Variants in PDE2A observed in about 807,000 individuals in gnomAD.
PDE2A encodes the protein phosphodiesterase 2A.
A neutral mutation model predicts 133.6 loss-of-function variants in PDE2A; 53 were observed. The observed-to-expected ratio is 0.40, with a 90% CI of 0.32 to 0.50. The LOEUF (loss-of-function observed/expected upper bound fraction) is 0.50, where lower values mean the gene tolerates loss of function less well. PDE2A is among the 20% of genes least tolerant of loss of function. PDE2A has a pLI of 0.73. For synonymous variants in PDE2A, 491 were observed against 490.2 expected (o/e 1.00, Z -0.02); for missense variants, 796 against 1,232.4 (o/e 0.65, Z 5.30).
chr11:72,634,215 G>A (rs1513779), intron 2 of PDE2A, among the ~76,000 whole-genome samples: 252 of 152,296 alleles, frequency 1.7e-3, no homozygotes, highest in African/African-American at 5.8e-3. Flanking sequence ...GCCCGGGGAG[G>A]CACACTTCTG....
chr11:72,661,422 G>T (rs428355), intron 1 of PDE2A, among the ~76,000 whole-genome samples: 120,044 of 151,938 alleles, frequency 0.79, 48,032 homozygotes, highest in Middle Eastern at 0.89. Context: ...TTTTGGGGGG[G>T]TTTTTTGGCC....
chr11:72,592,305 G>T (rs1020709919), intron 6 of PDE2A, among the ~76,000 whole-genome samples: 6 of 152,188 alleles, frequency 3.9e-5, no homozygotes, highest in African/African-American at 1.4e-4. Context: ...CACAGCGCCT[G>T]CACTGGGGGC....
At chr11:72,638,554 G>C (rs1858807450) in intron 2 of PDE2A, among the ~76,000 whole-genome samples, 1 of 152,232 alleles carries the variant, frequency 6.6e-6, no homozygotes, top group Non-Finnish European at 1.5e-5. Context: ...GCAACTGACA[G>C]CATGGCTGGA....
Position 72,588,849 on chromosome 11 carries a change from G to A in PDE2A, c.1005C>T (p.Val335=). The part of the protein sequence containing the change: ...CELQAMLCVP[V]ISRATDQVVA... Reference sequence around the variant, plus strand: ...CCACCTGGTCAGTGGCCCGGCTGATGACAGGGACACAGAGCATGGCCTGCA... The same window carrying A: ...CCACCTGGTCAGTGGCCCGGCTGATAACAGGGACACAGAGCATGGCCTGCA... Residue 335 remains valine (V), a synonymous_variant, in exon 13 of 31, where the codon GTC becomes GTT. Transcript: ENST00000334456. 6.2e-7 allele frequency: 1 copy of A among 1,611,676 alleles called. No individual in the cohort carries two copies. Among genetic ancestry groups the A allele is most frequent in the Non-Finnish European group, 8.5e-7 (1 of 1,178,342 alleles).
intron 2 of PDE2A, among the ~76,000 whole-genome samples, chr11:72,617,159 C>G (rs1042222518): frequency 1.3e-5 from 2 of 152,234 alleles, no homozygotes; most frequent in African/African-American, 4.8e-5. Context: ...TCGGGTAAGG[C>G]TGAGTATCTG....
rs1236871427 is a variant in PDE2A, at chr11:72,589,913, A to G, written c.825T>C (p.Ser275=). 1.2e-6 allele frequency: 2 copies of G among 1,612,724 alleles called. No homozygotes were observed. Among genetic ancestry groups the G allele is most frequent in the South Asian group, 1.1e-5 (1 of 90,828 alleles). The part of the protein sequence containing the change: ...LLVSEDNLQL[S]CKVIGDKVLG... ...AGTGGACCTGGGCCCTCACCTTGCA[A>G]GAAAGCTGGAGATTGTCCTCCGACA... is the stretch of plus-strand genomic sequence containing the variant. Residue 275 remains serine, a synonymous_variant, in exon 10 of 31, where the codon TCT becomes TCC. Coordinates refer to ENST00000334456, the MANE Select transcript of PDE2A (RefSeq NM_002599.5).
intron 21 of PDE2A, 47 bp from the exon 22 acceptor site, chr11:72,581,994 CG>C (rs1283110197): frequency 6.7e-7 from 1 of 1,495,984 alleles, no homozygotes; most frequent in Admixed American, 1.7e-5. Context: ...AGTATCAAGA[CG>C]GGGCCCTTGC....
chr11:72,668,824 G>C (rs1376975654), intron 1 of PDE2A, among the ~76,000 whole-genome samples: 2 of 152,136 alleles, frequency 1.3e-5, no homozygotes, highest in African/African-American at 4.8e-5. Flanking sequence ...GAGAAACCTC[G>C]GTCCCTCCCA....
At chr11:72,587,466 C>A (rs1856027346) in intron 13 of PDE2A, among the ~76,000 whole-genome samples, 2 of 152,192 alleles carry the variant, frequency 1.3e-5, no homozygotes. Context: ...TGCCCCTGCC[C>A]TGGGCCTCAA....
intron 19 of PDE2A, 37 bp from the exon 20 acceptor site, chr11:72,583,552 T>C (rs753606304): frequency 6.9e-7 from 1 of 1,449,484 alleles, no homozygotes; most frequent in Admixed American, 1.7e-5. Context: ...TCAAGGAAGG[T>C]GGCTGTGAAA....
chr11:72,592,511 G>T (rs917408930), intron 6 of PDE2A, among the ~76,000 whole-genome samples: 1 of 152,214 alleles, frequency 6.6e-6, no homozygotes, highest in Non-Finnish European at 1.5e-5. Context: ...AGAAAACTAG[G>T]TGGGTAGCTC....
intron 6 of PDE2A, among the ~76,000 whole-genome samples, chr11:72,593,282 A>T (rs1856334888): frequency 6.6e-6 from 1 of 152,156 alleles, no homozygotes; most frequent in African/African-American, 2.4e-5. Context: ...TCATGCCTGT[A>T]CACAGGAAAT....
At chr11:72,673,757 C>T (rs915923358) in intron 1 of PDE2A, among the ~76,000 whole-genome samples, 1 of 151,220 alleles carries the variant, frequency 6.6e-6, no homozygotes, top group African/African-American at 2.4e-5. Flanking sequence ...CTCTCCGGGT[C>T]CTGAACCAGC....
chr11:72,586,412 G>A (rs116467321), intron 13 of PDE2A, among the ~76,000 whole-genome samples: 1 of 152,162 alleles, frequency 6.6e-6, no homozygotes, highest in Non-Finnish European at 1.5e-5. Flanking sequence ...CATACCTCCC[G>A]TCTCTGATTT....
intron 2 of PDE2A, among the ~76,000 whole-genome samples, chr11:72,627,780 C>T (rs533828433): frequency 6.6e-6 from 1 of 152,368 alleles, no homozygotes; most frequent in South Asian, 2.1e-4. Flanking sequence ...AGCTAAGGCT[C>T]CCAAGCCGCC....
intron 2 of PDE2A, among the ~76,000 whole-genome samples, chr11:72,634,045 C>T (rs1858554767): frequency 6.6e-6 from 1 of 152,274 alleles, no homozygotes; most frequent in East Asian, 1.9e-4. Context: ...TGGTGATCTC[C>T]CAGGGCCCTT....
intron 1 of PDE2A, among the ~76,000 whole-genome samples, chr11:72,663,168 G>A (rs186901946): frequency 4.5e-4 from 68 of 152,268 alleles, no homozygotes; most frequent in African/African-American, 1.6e-3. Flanking sequence ...CTAATGAAGC[G>A]GAGAGCAAGG....
rs1178418343 is a variant in PDE2A at position 72,577,057 on chromosome 11, C to T, written c.*327G>A. 9 of 278,962 alleles carry T rather than the reference C, an allele frequency of 3.2e-5. No homozygotes were observed. Among genetic ancestry groups the T allele is most frequent in the Non-Finnish European group, 4.7e-5 (7 of 147,666 alleles). 17.3% of individuals were successfully genotyped at this position (278,962 alleles called of 1,614,324 possible). On this transcript the variant is annotated 3_prime_UTR_variant, in exon 31 of 31. Coordinates refer to ENST00000334456, the MANE Select transcript of PDE2A (RefSeq NM_002599.5). ...AAGATCTGGTGGGGCAGAAATGGGGCAAGGAGAAACCATCAAGCTGCTCAG... is the reference window on the plus strand; with the variant it reads ...AAGATCTGGTGGGGCAGAAATGGGGTAAGGAGAAACCATCAAGCTGCTCAG...
intron 2 of PDE2A, among the ~76,000 whole-genome samples, chr11:72,623,307 T>G (rs1245266130): frequency 1.3e-5 from 2 of 152,032 alleles, no homozygotes; most frequent in African/African-American, 4.8e-5. Flanking sequence ...CTTTCCTCCC[T>G]TGGCTTCTGG....
Sources: gnomAD v4.1 joint callset for allele counts (sites outside exome capture counted in the v4.1 genomes callset) on GRCh38, gnomAD v4.1.1 for gene constraint, MANE v1.5 for transcripts, NCBI Gene and HGNC (gene_info 2026-07-23, HGNC 2026-07-21) for gene names.